Variants in CIAO2A observed in about 807,000 individuals in gnomAD.
CIAO2A encodes cytosolic iron-sulfur assembly component 2A.
Under a neutral mutation model 22.4 loss-of-function variants are expected in CIAO2A, and 17 were observed. That is an observed-to-expected ratio of 0.76 (90% CI 0.52 to 1.14). The LOEUF (loss-of-function observed/expected upper bound fraction) is 1.14, where lower values mean the gene tolerates loss of function less well. Among genes scored for constraint, CIAO2A ranks in the 50% most tolerant of loss-of-function variants. The pLI is 0.00. For missense variants in CIAO2A, 192 were observed against 191.4 expected, an observed-to-expected ratio of 1.00 and a Z score of -0.02; for synonymous variants, 74 against 72.3, an observed-to-expected ratio of 1.02 and a Z score of -0.12.
chr15:64,087,337 C>T (rs990129251), intron 2 of CIAO2A, among the ~76,000 whole-genome samples: 1 of 151,810 alleles, frequency 6.6e-6, no homozygotes, highest in Non-Finnish European at 1.5e-5. Flanking sequence ...GTGATCTGCC[C>T]GCCTCGGCCA....
intron 4 of CIAO2A, chr15:64,075,209 A>C: frequency 1.3e-5 from 3 of 235,694 alleles, no homozygotes; most frequent in East Asian, 8.9e-5. Context: ...AAGCCTACTT[A>C]GAGCTCATAA....
intron 1 of CIAO2A, among the ~76,000 whole-genome samples, chr15:64,089,533 G>GAAAGT (rs2080823270): frequency 6.6e-6 from 1 of 151,808 alleles, no homozygotes; most frequent in African/African-American, 2.4e-5. Context: ...AAAAGTGAAG[G>GAAAGT]AAAGTAAAGT....
chr15:64,077,400 T>G (rs1355303882), intron 3 of CIAO2A, among the ~76,000 whole-genome samples: 1 of 152,234 alleles, frequency 6.6e-6, no homozygotes, highest in Non-Finnish European at 1.5e-5. Flanking sequence ...TATACTGACT[T>G]ACTTCAGTTT....
chr15:64,076,643 G>A (rs546153256), intron 3 of CIAO2A, among the ~76,000 whole-genome samples: 1 of 151,568 alleles, frequency 6.6e-6, no homozygotes, highest in African/African-American at 2.4e-5. Context: ...TATTTACTAC[G>A]GAGATAAACA....
chr15:64,092,602 C>G (rs116883080), intron 1 of CIAO2A, among the ~76,000 whole-genome samples: 7 of 152,286 alleles, frequency 4.6e-5, no homozygotes, highest in African/African-American at 1.7e-4. Context: ...GGACAGAGAT[C>G]TGGCAGGACA....
At chr15:64,093,498 G>T in intron 1 of CIAO2A, 147 bp downstream of exon 1, 1 of 959,080 alleles carries the variant, frequency 1.0e-6, no homozygotes, top group Non-Finnish European at 1.5e-6. Context: ...GCTACGCCCC[G>T]GACAAGATCT....
At chr15:64,086,747 G>A (rs1210758074) in intron 2 of CIAO2A, among the ~76,000 whole-genome samples, 4 of 151,724 alleles carry the variant, frequency 2.6e-5, no homozygotes, top group Admixed American at 6.6e-5. Context: ...CCGAGTAGCC[G>A]GGATTACAGG....
chr15:64,074,607 T>C (rs1329323938), intron 4 of CIAO2A: 2 of 152,334 alleles, frequency 1.3e-5, no homozygotes, highest in South Asian at 2.1e-4. Context: ...TCTAGAACTA[T>C]AAATAGGGCA....
chr15:64,084,866 G>T (rs1567307096), intron 2 of CIAO2A, among the ~76,000 whole-genome samples: 1 of 152,106 alleles, frequency 6.6e-6, no homozygotes, highest in Non-Finnish European at 1.5e-5. Flanking sequence ...GCCAAAGAGG[G>T]CAGATCACTT....
At chr15:64,076,733 T>C (rs2080720005) in intron 3 of CIAO2A, among the ~76,000 whole-genome samples, 1 of 150,988 alleles carries the variant, frequency 6.6e-6, no homozygotes, top group Admixed American at 6.6e-5. Flanking sequence ...CTTTTTTTTT[T>C]TTTTTTTTTT....
rs199691769 is a variant in CIAO2A, at chr15:64,072,934, G to C, written c.480C>G (p.Asp160Glu). 42 of 1,606,434 alleles carry C rather than the reference G, an allele frequency of 2.6e-5. No individual in the cohort carries two copies. The highest frequency in any genetic ancestry group is 2.0e-4 in the African/African-American group (15 of 74,872). Residue 160 changes from aspartate to glutamate, a missense_variant, in exon 5 of 5, where the codon GAC becomes GAG. By Grantham distance (45) the Asp-to-Glu change is conservative. Transcript: ENST00000300030. ...CCAGTGGCTCTTAAAACAGCTATCA[G>C]TCAGGTTCAAGGACACACTGTTCCA... The part of the protein sequence containing the change: ...EIVEQCVLEP[D>E]
chr15:64,077,677 T>C (rs1472286961), intron 3 of CIAO2A, among the ~76,000 whole-genome samples: 1 of 152,238 alleles, frequency 6.6e-6, no homozygotes, highest in Non-Finnish European at 1.5e-5. Context: ...ATATCTGGTT[T>C]ACATTCTTCA....
At chr15:64,080,704 AC>A (rs2080753504) in intron 3 of CIAO2A, among the ~76,000 whole-genome samples, 1 of 151,876 alleles carries the variant, frequency 6.6e-6, no homozygotes, top group East Asian at 1.9e-4. Context: ...AAAAACCATC[AC>A]TTCACACCCA....
intron 3 of CIAO2A, 45 bp from the exon 4 acceptor site, chr15:64,075,582 CT>C: frequency 8.2e-7 from 1 of 1,221,830 alleles, no homozygotes; most frequent in Non-Finnish European, 1.2e-6. Flanking sequence ...TTAATGCATT[CT>C]AAGATAAGAG....
chr15:64,077,857 G>A (rs374617396), intron 3 of CIAO2A, among the ~76,000 whole-genome samples: 1 of 152,208 alleles, frequency 6.6e-6, no homozygotes, highest in East Asian at 1.9e-4. Context: ...TGAGATGACA[G>A]TACTGTATCA....
chr15:64,075,992 A>G (rs180825604), intron 3 of CIAO2A, among the ~76,000 whole-genome samples: 9 of 151,952 alleles, frequency 5.9e-5, no homozygotes, highest in African/African-American at 2.2e-4. Flanking sequence ...TCAGAGACAT[A>G]GGGACAAATC....
chr15:64,072,759 C>T lies in CIAO2A; in HGVS notation c.*172G>A, dbSNP rs1484377805. On this transcript the variant is annotated 3_prime_UTR_variant, in exon 5 of 5. Transcript: ENST00000300030. Reference sequence around the variant, plus strand: ...TGTTACAAATCCTGAGAATGTTATACATTGAACAAATTAGGTACTACCTTA... The same window carrying T: ...TGTTACAAATCCTGAGAATGTTATATATTGAACAAATTAGGTACTACCTTA... The T allele has an allele frequency of 2.1e-6, 1 of 474,874 alleles. No individual in the cohort carries two copies. Among genetic ancestry groups the T allele is most frequent in the African/African-American group, 2.0e-5 (1 of 50,866 alleles). The allele number at this position is 474,874 out of a possible 1,614,324, so 29.4% of individuals were successfully genotyped here.
At chr15:64,089,769 A>G (rs1429769870) in intron 1 of CIAO2A, among the ~76,000 whole-genome samples, 1 of 152,228 alleles carries the variant, frequency 6.6e-6, no homozygotes, top group Non-Finnish European at 1.5e-5. Flanking sequence ...ATACCAGCTA[A>G]AAACACCAGG....
chr15:64,082,809 T>C (rs2080767060), intron 2 of CIAO2A, among the ~76,000 whole-genome samples: 1 of 152,200 alleles, frequency 6.6e-6, no homozygotes, highest in Non-Finnish European at 1.5e-5. Context: ...ATAACTGAGA[T>C]ACTTTGGGTT....
Sources: allele counts gnomAD v4.1 joint callset (sites outside exome capture counted in the v4.1 genomes callset), GRCh38; gene constraint gnomAD v4.1.1; transcripts MANE v1.5; gene names NCBI Gene and HGNC (gene_info 2026-07-23, HGNC 2026-07-21).